The following IL1RAPL1 variants were observed in gnomAD, a reference collection of about 807,000 sequenced individuals.
IL1RAPL1 encodes the protein interleukin-1 receptor accessory protein-like 1.
Under a neutral mutation model 48.4 loss-of-function variants are expected in IL1RAPL1, and 3 were observed. That is an observed-to-expected ratio of 0.06 (90% CI 0.03 to 0.16). The LOEUF (loss-of-function observed/expected upper bound fraction) is 0.16, where lower values mean the gene tolerates loss of function less well. Ranked by LOEUF, IL1RAPL1 falls within the 10% of genes least tolerant of loss-of-function variation. The pLI, the probability that IL1RAPL1 is intolerant of heterozygous loss-of-function variation, is 1.00. For missense variants in IL1RAPL1, 349 were observed against 530.6 expected, an observed-to-expected ratio of 0.66 and a Z score of 3.36; for synonymous variants, 185 against 187.7, an observed-to-expected ratio of 0.99 and a Z score of 0.12.
chrX:29,680,651 A>G (rs1179015468), intron 6 of IL1RAPL1, among the ~76,000 whole-genome samples: 2 of 111,972 alleles, frequency 1.8e-5, no homozygotes, highest in African/African-American at 6.5e-5. Flanking sequence ...TCCATATTCA[A>G]TATTTGTTTA....
At chrX:29,131,284 A>ATATG (rs1357747003) in intron 2 of IL1RAPL1, among the ~76,000 whole-genome samples, 3 of 109,730 alleles carry the variant, frequency 2.7e-5, no homozygotes, top group Non-Finnish European at 5.7e-5. Flanking sequence ...GTATATATAT[A>ATATG]TATATATGCT....
intron 2 of IL1RAPL1, among the ~76,000 whole-genome samples, chrX:28,883,977 A>G (rs1253326983): frequency 9.0e-6 from 1 of 111,388 alleles, no homozygotes; most frequent in Non-Finnish European, 1.9e-5. Flanking sequence ...AGTGATCTAA[A>G]TGATGCAAGA....
intron 2 of IL1RAPL1, among the ~76,000 whole-genome samples, chrX:29,253,880 G>T (rs945316243): frequency 2.7e-5 from 3 of 111,329 alleles, no homozygotes; most frequent in African/African-American, 9.8e-5. Context: ...CTGAAAAATG[G>T]CAAGCATTTA....
At chrX:29,434,257 C>G (rs1407589098) in intron 5 of IL1RAPL1, among the ~76,000 whole-genome samples, 1 of 110,136 alleles carries the variant, frequency 9.1e-6, no homozygotes, top group Non-Finnish European at 1.9e-5. Flanking sequence ...AGACTTTGAA[C>G]TGACATATTT....
chrX:29,072,847 C>T (rs1308768446), intron 2 of IL1RAPL1, among the ~76,000 whole-genome samples: 1 of 111,780 alleles, frequency 8.9e-6, no homozygotes, highest in East Asian at 2.8e-4. Context: ...GCTAGACCTT[C>T]TTTTAGACCT....
intron 2 of IL1RAPL1, among the ~76,000 whole-genome samples, chrX:28,979,326 A>G (rs996507592): frequency 8.9e-6 from 1 of 111,948 alleles, no homozygotes; most frequent in African/African-American, 3.2e-5. Flanking sequence ...CAATGCAACA[A>G]TGTTAATTTT....
chrX:28,891,176 A>T (rs1309986733), intron 2 of IL1RAPL1, among the ~76,000 whole-genome samples: 1 of 111,878 alleles, frequency 8.9e-6, no homozygotes, highest in African/African-American at 3.2e-5. Context: ...GTAGTCTCTG[A>T]GTTTACTTGG....
In IL1RAPL1 at chrX:29,416,428, C is replaced by T. The variant is rs183079426; in HGVS notation, c.703+17120C>T. Among the ~76,000 whole-genome samples the T allele has an allele frequency of 2.7e-3, 304 of 110,563 alleles. 2 individuals carry two copies. The highest frequency in any genetic ancestry group is 4.7e-3 in the Non-Finnish European group (250 of 52,936). ...GCACACACCTGTAGTCCCAGCTACT[C>T]GGGAAGCCGAGGCATGAGAATCACT... On this transcript the variant is annotated intron_variant, in intron 5 of 10. Transcript: ENST00000378993.
intron 6 of IL1RAPL1, among the ~76,000 whole-genome samples, chrX:29,671,555 C>T (rs1449451581): frequency 8.9e-6 from 1 of 112,436 alleles, no homozygotes; most frequent in Non-Finnish European, 1.9e-5. Flanking sequence ...ATTTACATAA[C>T]TTTCAGGCAT....
rs750181906 is a variant in IL1RAPL1 at position 28,865,985 on chromosome X, CAA to C, written c.82+76562_82+76563del. ...AAAAAAATAGGTGAGGAAGTGGAAA[CAA>C]AGAGTATAAACAAATATTTGACTGA... On this transcript the variant is annotated intron_variant, in intron 2 of 10. Transcript: ENST00000378993. Among the ~76,000 whole-genome samples, 670 of 111,510 alleles carry C rather than the reference CAA, an allele frequency of 6.0e-3. 8 individuals are homozygous for C. The highest frequency in any genetic ancestry group is 0.021 in the African/African-American group (649 of 30,708).
intron 6 of IL1RAPL1, among the ~76,000 whole-genome samples, chrX:29,804,219 A>G (rs1249476655): frequency 9.0e-6 from 1 of 111,468 alleles, no homozygotes; most frequent in Non-Finnish European, 1.9e-5. Flanking sequence ...TTGGACTATG[A>G]GTTTGGAGAG....
chrX:28,658,709 T>C (rs1934780465), intron 1 of IL1RAPL1, among the ~76,000 whole-genome samples: 1 of 111,047 alleles, frequency 9.0e-6, no homozygotes, highest in African/African-American at 3.3e-5. Context: ...TTAGTTGCCG[T>C]CAATAAGAAA....
intron 5 of IL1RAPL1, among the ~76,000 whole-genome samples, chrX:29,596,204 G>T (rs759156015): frequency 2.1e-4 from 23 of 111,572 alleles, no homozygotes; most frequent in African/African-American, 7.2e-4. Flanking sequence ...TCTTGCTTTG[G>T]CTATGCAGGT....
At chrX:29,379,530 C>T (rs1165569652) in intron 3 of IL1RAPL1, among the ~76,000 whole-genome samples, 3 of 111,826 alleles carry the variant, frequency 2.7e-5, no homozygotes, top group Non-Finnish European at 5.6e-5. Context: ...GGGTAGATTC[C>T]CCTGCCAGCT....
chrX:29,026,588 AT>A (rs949979841), intron 2 of IL1RAPL1, among the ~76,000 whole-genome samples: 2 of 111,955 alleles, frequency 1.8e-5, no homozygotes, highest in Non-Finnish European at 3.8e-5. Context: ...AGAAAAGAAA[AT>A]TAAAATAGAA....
chrX:29,460,519 A>G (rs1934790729), intron 5 of IL1RAPL1, among the ~76,000 whole-genome samples: 2 of 112,187 alleles, frequency 1.8e-5, no homozygotes, highest in Non-Finnish European at 3.8e-5. Flanking sequence ...GCAACTACCC[A>G]TACTACAGGC....
intron 2 of IL1RAPL1, among the ~76,000 whole-genome samples, chrX:28,917,030 A>G (rs1280055737): frequency 9.0e-6 from 1 of 111,483 alleles, no homozygotes; most frequent in Non-Finnish European, 1.9e-5. Flanking sequence ...TGTTTTTCCT[A>G]CTAAGAAACT....
At chrX:28,605,807 C>T (rs777659048) in intron 1 of IL1RAPL1, among the ~76,000 whole-genome samples, 2 of 111,652 alleles carry the variant, frequency 1.8e-5, no homozygotes, top group South Asian at 7.6e-4. Flanking sequence ...TCATTTCTCA[C>T]CACTCTCAAC....
chrX:29,727,508 G>C lies in IL1RAPL1; in HGVS notation c.778+59004G>C, dbSNP rs991193636. On this transcript the variant is annotated intron_variant, in intron 6 of 10. Transcript: ENST00000378993. ...TGATGATCTTGCAAGTCTTATTCCC[G>C]GTTACCTGGGATACTACTTTGCTTT... 1.1e-4 allele frequency among the ~76,000 whole-genome samples: 12 copies of C among 111,990 alleles called. No homozygotes were observed. In the Admixed American group the frequency reaches 1.1e-3, roughly 11 times the overall value.
Sources: gnomAD v4.1 joint callset for allele counts (sites outside exome capture counted in the v4.1 genomes callset) on GRCh38, gnomAD v4.1.1 for gene constraint, MANE v1.5 for transcripts, NCBI Gene and HGNC (gene_info 2026-07-23, HGNC 2026-07-21) for gene names.